POLB: variants seen among roughly 807,000 people sequenced by gnomAD.
POLB encodes the protein DNA polymerase beta.
In POLB, 37 loss-of-function variants were observed where a neutral mutation model predicts 52.7. That is an observed-to-expected ratio of 0.70 (90% CI 0.54 to 0.92). The LOEUF is 0.92. POLB is among the 40% of genes least tolerant of loss of function. The pLI, the probability that POLB is intolerant of heterozygous loss-of-function variation, is 0.00. For synonymous variants in POLB, 138 were observed against 131.3 expected (o/e 1.05, Z -0.35); for missense variants, 313 against 400.8 (o/e 0.78, Z 1.87).
intron 6 of POLB, chr8:42,354,435 GC>G (rs1823172917): frequency 7.8e-7 from 1 of 1,279,278 alleles, no homozygotes; most frequent in Non-Finnish European, 1.0e-6. Context: ...CTGGATTCAT[GC>G]CCAGTAAAGG....
chr8:42,364,536 T>A (rs1401622162), intron 11 of POLB, among the ~76,000 whole-genome samples: 2 of 152,156 alleles, frequency 1.3e-5, no homozygotes, highest in African/African-American at 4.8e-5. Flanking sequence ...GGCCTCTTCT[T>A]TCTTAAGGTG....
intron 9 of POLB, among the ~76,000 whole-genome samples, chr8:42,360,913 G>A (rs1292184705): frequency 1.3e-5 from 2 of 152,082 alleles, no homozygotes; most frequent in Non-Finnish European, 2.9e-5. Flanking sequence ...CCTTTATAGA[G>A]TTAGAGTATA....
At chr8:42,352,731 A>G (rs1202007696) in intron 6 of POLB, among the ~76,000 whole-genome samples, 163 bp downstream of exon 6, 1 of 152,200 alleles carries the variant, frequency 6.6e-6, no homozygotes, top group African/African-American at 2.4e-5. Context: ...GGTATAGTTT[A>G]TATTACCATC....
At chr8:42,370,177 T>A in intron 13 of POLB, 189 bp downstream of exon 13, 1 of 645,476 alleles carries the variant, frequency 1.5e-6, no homozygotes, top group Non-Finnish European at 2.9e-6. Context: ...TTGAAGGCCA[T>A]CAAGGCAAGC....
intron 2 of POLB, among the ~76,000 whole-genome samples, chr8:42,341,565 A>G (rs941453995): frequency 1.3e-5 from 2 of 152,240 alleles, no homozygotes; most frequent in Non-Finnish European, 2.9e-5. Flanking sequence ...TACATTTTGC[A>G]TTGAAATTAT....
chr8:42,344,842 T>C (rs1244765474), intron 2 of POLB, 111 bp from the exon 3 acceptor site: 2 of 699,572 alleles, frequency 2.9e-6, no homozygotes, highest in Middle Eastern at 4.0e-4. Flanking sequence ...AAATTAGTTA[T>C]CTTGGTGAAA....
intron 7 of POLB, 36 bp from the exon 8 acceptor site, chr8:42,357,133 A>G (rs1475208114): frequency 5.2e-6 from 6 of 1,151,130 alleles, no homozygotes; most frequent in African/African-American, 1.5e-5. Flanking sequence ...TTTAAATTTT[A>G]CGAAAATCTT....
chr8:42,361,135 GA>G lies in POLB; in HGVS notation c.551-156del, dbSNP rs1205599185. 5.7e-6 allele frequency: 4 copies of G among 702,762 alleles called. No individual in the cohort carries two copies. In the African/African-American group the frequency reaches 7.0e-5, roughly 12 times the overall value. 43.5% of individuals were successfully genotyped at this position (702,762 alleles called of 1,614,324 possible). On this transcript the variant is annotated intron_variant, in intron 9 of 13. Transcript: ENST00000265421. ...ATCAATACACCTGAATAGTTGGACAGAAAATTGAAATCTTTTAACTAATTCT... is the reference window on the plus strand; with the variant it reads ...ATCAATACACCTGAATAGTTGGACAGAAATTGAAATCTTTTAACTAATTCT...
chr8:42,342,618 A>G, intron 2 of POLB: 1 of 665,026 alleles, frequency 1.5e-6, no homozygotes, highest in South Asian at 1.7e-5. Flanking sequence ...ATTCTTAACA[A>G]CTTTAACAAA....
At chr8:42,363,691 G>C (rs927458559) in intron 11 of POLB, among the ~76,000 whole-genome samples, 9 of 151,992 alleles carry the variant, frequency 5.9e-5, no homozygotes, top group African/African-American at 2.2e-4. Flanking sequence ...AACGTAGTTA[G>C]AATTGATTGA....
At chr8:42,352,622 A>ATAT in intron 6 of POLB, 54 bp downstream of exon 6, 2 of 1,028,712 alleles carry the variant, frequency 1.9e-6, no homozygotes, top group Non-Finnish European at 3.1e-6. Flanking sequence ...CTGAAGGACC[A>ATAT]TTAGTGCTCT....
At chr8:42,342,703 C>G (rs1469832648) in intron 2 of POLB, 3 of 459,374 alleles carry the variant, frequency 6.5e-6, no homozygotes, top group African/African-American at 4.0e-5. Flanking sequence ...TTTTTAAAAA[C>G]TGATGTAGGG....
chr8:42,367,181 A>G (rs376284478), intron 11 of POLB, among the ~76,000 whole-genome samples: 306 of 152,376 alleles, frequency 2.0e-3, no homozygotes, highest in Non-Finnish European at 3.5e-3. Context: ...GGATGTATCC[A>G]TGAATTTAAG....
intron 11 of POLB, among the ~76,000 whole-genome samples, chr8:42,366,668 T>C (rs1252012320): frequency 6.6e-6 from 1 of 152,198 alleles, no homozygotes; most frequent in East Asian, 1.9e-4. Context: ...TATCTTTCAT[T>C]ATAGAAGAAT....
intron 2 of POLB, chr8:42,340,113 C>G (rs945175560): frequency 1.3e-5 from 2 of 152,236 alleles, no homozygotes; most frequent in African/African-American, 4.8e-5. Context: ...ATTGGACTCT[C>G]TGTGGCATTC....
intron 2 of POLB, among the ~76,000 whole-genome samples, chr8:42,340,358 C>A (rs117131123): frequency 1.3e-5 from 2 of 152,146 alleles, no homozygotes. Flanking sequence ...TTGTTTCATG[C>A]ACAAAATTAT....
At chr8:42,355,481 A>C (rs765836543) in intron 6 of POLB, 35 bp from the exon 7 acceptor site, 2 of 1,237,004 alleles carry the variant, frequency 1.6e-6, no homozygotes, top group Admixed American at 3.8e-5. Flanking sequence ...AAAGCATTTA[A>C]ATTAACATGT....
At position 42,369,152 on chromosome 8, in the gene POLB, G is replaced by T; in HGVS notation, c.709-119G>T. 3 of 606,896 alleles carry T rather than the reference G, an allele frequency of 4.9e-6. No homozygotes were observed. In the South Asian group the frequency reaches 6.4e-5, roughly 13 times the overall value. The allele number at this position is 606,896 out of a possible 1,614,324, so 37.6% of individuals were successfully genotyped here. A position where few individuals can be genotyped will look rare whatever the true frequency, so the allele number is the denominator to read the frequency against. ...GCTCACAGAAGCTGCTAAGTTAAAA[G>T]TGCTCAGAATTCTAGAGCTGCTAAC... On this transcript the variant is annotated intron_variant, in intron 11 of 13. Transcript: ENST00000265421.
chr8:42,361,409 A>G (rs1225581274), intron 10 of POLB, 44 bp downstream of exon 10: 10 of 1,265,114 alleles, frequency 7.9e-6, no homozygotes, highest in Non-Finnish European at 1.2e-5. Context: ...CTTACACAAC[A>G]GTGAATTTCA....
Sources: allele counts gnomAD v4.1 joint callset (sites outside exome capture counted in the v4.1 genomes callset), GRCh38; gene constraint gnomAD v4.1.1; transcripts MANE v1.5; gene names NCBI Gene and HGNC (gene_info 2026-07-23, HGNC 2026-07-21).